Variants in PPARD observed in about 807,000 individuals in gnomAD.
PPARD encodes peroxisome proliferator activated receptor delta.
In PPARD, 6 loss-of-function variants were observed where a neutral mutation model predicts 39.5. The observed-to-expected ratio is 0.15, with a 90% CI of 0.08 to 0.30. The LOEUF (loss-of-function observed/expected upper bound fraction) is 0.30, where lower values mean the gene tolerates loss of function less well. Ranked by LOEUF, PPARD falls within the 10% of genes least tolerant of loss-of-function variation. PPARD has a pLI of 1.00. For synonymous variants in PPARD, 210 were observed against 231.3 expected, an observed-to-expected ratio of 0.91 and a Z score of 0.83; for missense variants, 397 against 596.8, an observed-to-expected ratio of 0.67 and a Z score of 3.49.
At chr6:35,387,919 A>G (rs1388019014) in intron 2 of PPARD, among the ~76,000 whole-genome samples, 1 of 150,654 alleles carries the variant, frequency 6.6e-6, no homozygotes, top group Non-Finnish European at 1.5e-5. Flanking sequence ...ATGGGGTTTC[A>G]CCATGTTGGC....
intron 2 of PPARD, among the ~76,000 whole-genome samples, chr6:35,403,299 C>T (rs942134406): frequency 2.0e-5 from 3 of 152,208 alleles, no homozygotes; most frequent in African/African-American, 7.2e-5. Context: ...CACTGTTAAG[C>T]AGTTACTGCA....
chr6:35,346,932 G>A (rs2150413288), intron 1 of PPARD, 135 bp from the exon 2 acceptor site: 1 of 572,298 alleles, frequency 1.7e-6, no homozygotes, highest in East Asian at 3.0e-5. Flanking sequence ...TCAGGGTGGT[G>A]TGTAAGGGAC....
At chr6:35,416,256 C>T (rs1017541290) in intron 3 of PPARD, among the ~76,000 whole-genome samples, 3 of 151,520 alleles carry the variant, frequency 2.0e-5, no homozygotes, top group African/African-American at 7.3e-5. Context: ...CGCCTGTAAT[C>T]CCAGCTACTC....
intron 2 of PPARD, among the ~76,000 whole-genome samples, chr6:35,353,777 A>T (rs186663538): frequency 6.6e-6 from 1 of 152,276 alleles, no homozygotes; most frequent in East Asian, 1.9e-4. Context: ...AACTACTTGA[A>T]GCTGAGAGAA....
intron 2 of PPARD, among the ~76,000 whole-genome samples, chr6:35,404,964 TG>T (rs2150747525): frequency 6.9e-6 from 1 of 144,960 alleles, no homozygotes; most frequent in South Asian, 2.3e-4. Context: ...TGTGTGTGTG[TG>T]TGTGTGTGTG....
intron 2 of PPARD, among the ~76,000 whole-genome samples, chr6:35,351,658 ATCC>A (rs1230167459): frequency 1.3e-5 from 2 of 151,840 alleles, no homozygotes; most frequent in Non-Finnish European, 2.9e-5. Context: ...GGCTCAAGTA[ATCC>A]TCCTGCCTCA....
chr6:35,416,337 G>T (rs1224198236), intron 3 of PPARD, among the ~76,000 whole-genome samples: 2 of 130,714 alleles, frequency 1.5e-5, no homozygotes, highest in Non-Finnish European at 3.1e-5. Context: ...TCGCGCCATT[G>T]CACTCCAGCC....
At chr6:35,378,706 C>T (rs1051337742) in intron 2 of PPARD, among the ~76,000 whole-genome samples, 3 of 152,094 alleles carry the variant, frequency 2.0e-5, no homozygotes, top group East Asian at 1.9e-4. Flanking sequence ...CCGGGGCCTC[C>T]GAGGAGACCA....
At chr6:35,400,056 C>G (rs1037157486) in intron 2 of PPARD, among the ~76,000 whole-genome samples, 3 of 152,182 alleles carry the variant, frequency 2.0e-5, no homozygotes, top group Non-Finnish European at 4.4e-5. Flanking sequence ...TCCCTGGGTT[C>G]TCCTGGACAG....
At chr6:35,355,799 G>A (rs1761576541) in intron 2 of PPARD, among the ~76,000 whole-genome samples, 1 of 151,410 alleles carries the variant, frequency 6.6e-6, no homozygotes, top group Non-Finnish European at 1.5e-5. Context: ...TTTTGGTAGA[G>A]ACAGGGTTTC....
chr6:35,427,235 TC>T lies in PPARD; in HGVS notation c.*1158del. ...GCCCCACTCCCCCTGAAGCTGCCCC[TC>T]CAGCACACACACATAAGCACTGAAA... On this transcript the variant is annotated 3_prime_UTR_variant, in exon 8 of 8. Transcript: ENST00000360694. 6.2e-6 allele frequency: 1 copy of T among 160,866 alleles called. No individual in the cohort carries two copies. Among genetic ancestry groups the T allele is most frequent in the Non-Finnish European group, 1.4e-5 (1 of 73,550 alleles). 10.0% of individuals were successfully genotyped at this position (160,866 alleles called of 1,614,324 possible).
chr6:35,351,090 A>G (rs932181922), intron 2 of PPARD, among the ~76,000 whole-genome samples: 5 of 150,170 alleles, frequency 3.3e-5, no homozygotes, highest in East Asian at 2.0e-4. Flanking sequence ...CAGTGGCACA[A>G]TCTCGGCTTA....
chr6:35,376,263 T>C (rs1161846942), intron 2 of PPARD, among the ~76,000 whole-genome samples: 3 of 152,240 alleles, frequency 2.0e-5, no homozygotes, highest in Admixed American at 6.5e-5. Context: ...CTCTTTGGCT[T>C]TCTCGTTTTC....
At chr6:35,405,121 G>T (rs1422300745) in intron 2 of PPARD, among the ~76,000 whole-genome samples, 2 of 152,076 alleles carry the variant, frequency 1.3e-5, no homozygotes, top group Admixed American at 6.6e-5. Flanking sequence ...GCAGTGGTGT[G>T]ATTTTGGCTC....
rs951271296 is a variant in PPARD, at chr6:35,363,419, C to G, written c.-102+16269C>G. 6.6e-6 allele frequency among the ~76,000 whole-genome samples: 1 copy of G among 152,224 alleles called. No homozygotes were observed. Among genetic ancestry groups the G allele is most frequent in the African/African-American group, 2.4e-5 (1 of 41,460 alleles). Reference sequence around the variant, plus strand: ...CCTCAAAGCCTGCGCCACCGCCTCTCCCTTCACCACTCCCAAGCTATAATT... The same window carrying G: ...CCTCAAAGCCTGCGCCACCGCCTCTGCCTTCACCACTCCCAAGCTATAATT... On this transcript the variant is annotated intron_variant, in intron 2 of 7. Coordinates refer to ENST00000360694, the MANE Select transcript of PPARD (RefSeq NM_006238.5). This position sits in a 1 kb window ranked among gnomAD's most constrained non-coding sequence, Gnocchi z 4.5.
intron 1 of PPARD, among the ~76,000 whole-genome samples, chr6:35,346,220 TG>T (rs1253639902): frequency 6.6e-6 from 1 of 152,216 alleles, no homozygotes; most frequent in Non-Finnish European, 1.5e-5. Context: ...ATCCTGTCCC[TG>T]AGGCCCACCT....
At chr6:35,418,145 CG>C (rs1272370545) in intron 3 of PPARD, among the ~76,000 whole-genome samples, 1 of 152,162 alleles carries the variant, frequency 6.6e-6, no homozygotes, top group Non-Finnish European at 1.5e-5. Flanking sequence ...AGGAAGCAGA[CG>C]TGCAGGCCAC....
chr6:35,348,421 A>G (rs1229989836), intron 2 of PPARD: 2 of 985,232 alleles, frequency 2.0e-6, no homozygotes, highest in South Asian at 4.7e-5. Context: ...TGCTGTTTCC[A>G]TGTTCTCAGG....
At chr6:35,393,983 G>C (rs990521053) in intron 2 of PPARD, among the ~76,000 whole-genome samples, 1 of 152,276 alleles carries the variant, frequency 6.6e-6, no homozygotes, top group South Asian at 2.1e-4. Flanking sequence ...GCCTTTACTC[G>C]AGTGAGATCC....
Sources: allele counts gnomAD v4.1 joint callset (sites outside exome capture counted in the v4.1 genomes callset), GRCh38; gene constraint gnomAD v4.1.1; non-coding constraint Gnocchi (gnomAD v3.1); transcripts MANE v1.5; gene names NCBI Gene and HGNC (gene_info 2026-07-23, HGNC 2026-07-21).